Variants in RNF170 observed in about 807,000 individuals in gnomAD.
RNF170 encodes the protein E3 ubiquitin-protein ligase RNF170.
Under a neutral mutation model 32.7 loss-of-function variants are expected in RNF170, and 12 were observed. The observed-to-expected ratio is 0.37, with a 90% CI of 0.24 to 0.60. The LOEUF is 0.60. Among genes scored for constraint, RNF170 ranks in the 20% least tolerant of loss-of-function variants. RNF170 has a pLI of 0.72. For synonymous variants in RNF170, 91 were observed against 103.6 expected (o/e 0.88, Z 0.74); for missense variants, 212 against 311.2 (o/e 0.68, Z 2.40).
chr8:42,881,973 T>C (rs1282879587), intron 2 of RNF170, among the ~76,000 whole-genome samples: 1 of 152,134 alleles, frequency 6.6e-6, no homozygotes, highest in African/African-American at 2.4e-5. Flanking sequence ...GAATGGCCAC[T>C]AACCATGTGA....
intron 4 of RNF170, among the ~76,000 whole-genome samples, chr8:42,866,553 T>C (rs1804095911): frequency 6.7e-6 from 1 of 148,730 alleles, no homozygotes; most frequent in Non-Finnish European, 1.5e-5. Context: ...CACTGCACTA[T>C]AGCCGGCTGA....
downstream of RNF170, among the ~76,000 whole-genome samples, chr8:42,851,580 A>G (rs1186685631): frequency 6.7e-6 from 1 of 149,468 alleles, no homozygotes; most frequent in Non-Finnish European, 1.5e-5. Flanking sequence ...AAAAAAAAAA[A>G]GAAAGAAAAA....
At chr8:42,851,496 C>T (rs1208068153), downstream of RNF170, among the ~76,000 whole-genome samples, 1 of 147,864 alleles carries the variant, frequency 6.8e-6, no homozygotes, top group Non-Finnish European at 1.5e-5. Flanking sequence ...GCCCAGGAAG[C>T]GGAGGTTGCA....
At chr8:42,865,610 C>T in intron 4 of RNF170, 121 bp from the exon 5 acceptor site, 1 of 785,360 alleles carries the variant, frequency 1.3e-6, no homozygotes, top group Non-Finnish European at 2.2e-6. Context: ...TTAAAAATAC[C>T]TTTTACTTCA....
intron 1 of RNF170, among the ~76,000 whole-genome samples, chr8:42,888,593 T>A (rs1461488883): frequency 6.6e-6 from 1 of 151,604 alleles, no homozygotes; most frequent in Non-Finnish European, 1.5e-5. Flanking sequence ...TGAAACCCCG[T>A]CTCTACTAAA....
chr8:42,875,379 C>T (rs529829521), intron 2 of RNF170, among the ~76,000 whole-genome samples: 3 of 152,248 alleles, frequency 2.0e-5, no homozygotes, highest in Admixed American at 1.3e-4. Context: ...ATCCAACAGA[C>T]ATAAGGACTC....
At chr8:42,878,207 C>T (rs1219862422) in intron 2 of RNF170, among the ~76,000 whole-genome samples, 1 of 152,102 alleles carries the variant, frequency 6.6e-6, no homozygotes, top group Non-Finnish European at 1.5e-5. Context: ...CTATAGTGGC[C>T]TCTAGGTGTT....
rs541734699 is a variant in RNF170 at position 42,859,152 on chromosome 8, C to T, written c.507+2593G>A. 1.3e-3 allele frequency among the ~76,000 whole-genome samples: 200 copies of T among 152,162 alleles called. No individual in the cohort carries two copies. In the South Asian group the frequency reaches 0.02, roughly 15 times the overall value. On this transcript the variant is annotated intron_variant, in intron 6 of 6. Transcript: ENST00000527424. ...CGAGCCAAGATTGCACCACCGCACTCGAGCCTGTCTCAAAACAAACAAACA... is the reference window on the plus strand; with the variant it reads ...CGAGCCAAGATTGCACCACCGCACTTGAGCCTGTCTCAAAACAAACAAACA...
intron 4 of RNF170, among the ~76,000 whole-genome samples, chr8:42,867,908 C>T (rs1474056455): frequency 6.6e-6 from 1 of 151,230 alleles, no homozygotes; most frequent in Non-Finnish European, 1.5e-5. Context: ...TTTAGATAGG[C>T]AGAAAACAAG....
chr8:42,888,300 G>A (rs1806000356), intron 1 of RNF170, among the ~76,000 whole-genome samples: 1 of 151,824 alleles, frequency 6.6e-6, no homozygotes, highest in African/African-American at 2.4e-5. Flanking sequence ...TCCTGACCTC[G>A]TGATCCACCT....
Position 42,887,889 on chromosome 8 carries a change from A to C in RNF170, c.-7-18T>G. 1 of 1,608,346 alleles carries C rather than the reference A, an allele frequency of 6.2e-7. No homozygotes were observed. Among genetic ancestry groups the C allele is most frequent in the Non-Finnish European group, 8.5e-7 (1 of 1,174,872 alleles). On this transcript the variant is annotated intron_variant, in intron 1 of 6. Transcript: ENST00000527424. ...TTCCAGGTCTAAAATAAGAAGAAAC[A>C]AGATGAGAGTTACAAATGACACAGT...
At chr8:42,885,499 AC>A in intron 2 of RNF170, among the ~76,000 whole-genome samples, 1 of 152,130 alleles carries the variant, frequency 6.6e-6, no homozygotes, top group African/African-American at 2.4e-5. Context: ...TTCCACAGCA[AC>A]TGTACCATTT....
At chr8:42,867,775 C>CAAAAAAAA (rs1054907767) in intron 4 of RNF170, among the ~76,000 whole-genome samples, 7 of 24,722 alleles carry the variant, frequency 2.8e-4, no homozygotes, top group Admixed American at 8.4e-4. Flanking sequence ...GACTCCATCT[C>CAAAAAAAA]AAAAAAAAAA....
At chr8:42,873,327 T>A (rs1209776598) in intron 3 of RNF170, among the ~76,000 whole-genome samples, 1 of 151,812 alleles carries the variant, frequency 6.6e-6, no homozygotes, top group African/African-American at 2.4e-5. Context: ...GGAACTGAAG[T>A]TTGATCTATA....
intron 2 of RNF170, among the ~76,000 whole-genome samples, chr8:42,875,039 C>T (rs552516904): frequency 1.3e-5 from 2 of 151,938 alleles, no homozygotes; most frequent in African/African-American, 4.8e-5. Context: ...GGCTTAGTGG[C>T]GAATGCCTGT....
intron 1 of RNF170, among the ~76,000 whole-genome samples, chr8:42,895,104 C>T (rs1012153596): frequency 1.3e-5 from 2 of 151,934 alleles, no homozygotes; most frequent in African/African-American, 4.8e-5. Flanking sequence ...CACTTGAGCC[C>T]AGGAATTTGA....
intron 2 of RNF170, 130 bp from the exon 3 acceptor site, chr8:42,874,136 T>C: frequency 1.5e-6 from 1 of 675,612 alleles, no homozygotes; most frequent in Non-Finnish European, 2.7e-6. Context: ...GCACTTCACT[T>C]CCAGGACTGT....
chr8:42,869,346 A>G (rs1195135347), intron 4 of RNF170, among the ~76,000 whole-genome samples: 1 of 152,220 alleles, frequency 6.6e-6, no homozygotes, highest in East Asian at 1.9e-4. Context: ...AAGAAGCCAT[A>G]GAAGATTTTC....
At chr8:42,862,910 G>A (rs1383785341) in intron 5 of RNF170, among the ~76,000 whole-genome samples, 1 of 152,214 alleles carries the variant, frequency 6.6e-6, no homozygotes, top group Admixed American at 6.5e-5. Flanking sequence ...CTGGCCGACA[G>A]CCTTACATGG....
Sources: allele counts gnomAD v4.1 joint callset (sites outside exome capture counted in the v4.1 genomes callset), GRCh38; gene constraint gnomAD v4.1.1; transcripts MANE v1.5; gene names NCBI Gene and HGNC (gene_info 2026-07-23, HGNC 2026-07-21).